Variants in FGF14 observed in about 807,000 individuals in gnomAD.
FGF14 encodes fibroblast growth factor 14, also known as fibroblast growth factor homologous factor 4.
A neutral mutation model predicts 25.5 loss-of-function variants in FGF14; 5 were observed. The ratio of observed to expected loss-of-function variants is 0.20; its 90% confidence interval spans 0.10 to 0.41. The LOEUF (loss-of-function observed/expected upper bound fraction) is 0.41. Among genes scored for constraint, FGF14 ranks in the 10% least tolerant of loss-of-function variants. FGF14 has a pLI of 1.00. For missense variants in FGF14, 222 were observed against 320.1 expected, an observed-to-expected ratio of 0.69 and a Z score of 2.34; for synonymous variants, 138 against 118.3, an observed-to-expected ratio of 1.17 and a Z score of -1.08.
chr13:101,949,385 C>A (rs2036014198), intron 1 of FGF14, among the ~76,000 whole-genome samples: 1 of 152,064 alleles, frequency 6.6e-6, no homozygotes, highest in African/African-American at 2.4e-5. Context: ...AGTTGCTTTC[C>A]TATTCTTCCT....
intron 1 of FGF14, among the ~76,000 whole-genome samples, chr13:102,103,100 G>A (rs976397097): frequency 1.3e-5 from 2 of 152,150 alleles, no homozygotes; most frequent in African/African-American, 4.8e-5. Flanking sequence ...GATGAAATTT[G>A]CTGAGGGAGA....
intron 1 of FGF14, among the ~76,000 whole-genome samples, chr13:102,056,292 G>T (rs2042426195): frequency 6.6e-6 from 1 of 152,262 alleles, no homozygotes; most frequent in Middle Eastern, 3.4e-3. Flanking sequence ...CTGCCCTTGA[G>T]ACTACCTACA....
intron 1 of FGF14, among the ~76,000 whole-genome samples, chr13:102,297,607 A>G (rs573126548): frequency 2.0e-5 from 3 of 152,156 alleles, no homozygotes; most frequent in African/African-American, 7.2e-5. Flanking sequence ...CAAATAAAAA[A>G]GGGCATAGGG....
At chr13:102,003,702 T>G (rs2039630706) in intron 1 of FGF14, among the ~76,000 whole-genome samples, 2 of 151,964 alleles carry the variant, frequency 1.3e-5, no homozygotes, top group South Asian at 4.2e-4. Flanking sequence ...TGGGAACAAT[T>G]TACATAGAAA....
At chr13:101,753,974 AC>A (rs1205638788) in intron 3 of FGF14, among the ~76,000 whole-genome samples, 1 of 152,176 alleles carries the variant, frequency 6.6e-6, no homozygotes, top group Non-Finnish European at 1.5e-5. Context: ...AAAAACAAAA[AC>A]AAAACAAAAT....
intron 3 of FGF14, among the ~76,000 whole-genome samples, chr13:101,786,773 G>A (rs966730015): frequency 6.6e-6 from 1 of 152,158 alleles, no homozygotes; most frequent in Non-Finnish European, 1.5e-5. Flanking sequence ...AACCCATAAA[G>A]CTTTTCTTTT....
At chr13:102,009,941 C>T (rs564713499) in intron 1 of FGF14, among the ~76,000 whole-genome samples, 2 of 152,092 alleles carry the variant, frequency 1.3e-5, no homozygotes, top group Non-Finnish European at 2.9e-5. Flanking sequence ...TTCATAGAAA[C>T]CTTGCCAAGG....
At chr13:102,314,399 C>T (rs533943051) in intron 1 of FGF14, among the ~76,000 whole-genome samples, 5 of 152,222 alleles carry the variant, frequency 3.3e-5, no homozygotes, top group African/African-American at 7.2e-5. Flanking sequence ...TCCTCAATCG[C>T]GCTATACATA....
At chr13:101,725,633 C>A (rs559168259) in intron 4 of FGF14, among the ~76,000 whole-genome samples, 1 of 151,936 alleles carries the variant, frequency 6.6e-6, no homozygotes, top group African/African-American at 2.4e-5. Context: ...ATTATGAAAA[C>A]AATATGCATT....
intron 3 of FGF14, among the ~76,000 whole-genome samples, chr13:101,814,980 A>G (rs1267447585): frequency 7.3e-6 from 1 of 136,658 alleles, no homozygotes; most frequent in Admixed American, 7.1e-5. Flanking sequence ...AAAGAGACTT[A>G]TTAGTACCCC....
chr13:101,904,358 T>A lies in FGF14; in HGVS notation c.193+12095A>T, dbSNP rs2031970389. Among the ~76,000 whole-genome samples, 3 of 151,874 alleles carry A rather than the reference T, an allele frequency of 2.0e-5. No homozygotes were observed. In the South Asian group the frequency reaches 6.2e-4, roughly 32 times the overall value. Reference sequence around the variant, plus strand: ...TGAAATTTGGGGTATTTTCTTATATTCAGGTTTTAAGAAAAAAAAAATCAA... The same window carrying A: ...TGAAATTTGGGGTATTTTCTTATATACAGGTTTTAAGAAAAAAAAAATCAA... On this transcript the variant is annotated intron_variant, in intron 1 of 4. Transcript: ENST00000376143.
intron 1 of FGF14, among the ~76,000 whole-genome samples, chr13:102,340,513 C>A (rs919250810): frequency 2.0e-5 from 3 of 151,962 alleles, no homozygotes; most frequent in African/African-American, 4.8e-5. Flanking sequence ...AATATACAAG[C>A]CTTTTACCCT....
At chr13:102,265,420 A>G (rs1378743415) in intron 1 of FGF14, among the ~76,000 whole-genome samples, 1 of 152,154 alleles carries the variant, frequency 6.6e-6, no homozygotes, top group Non-Finnish European at 1.5e-5. Flanking sequence ...GACTTGGTGA[A>G]AAATAATAGC....
intron 1 of FGF14, among the ~76,000 whole-genome samples, chr13:101,970,229 CAA>C (rs771737974): frequency 2.6e-5 from 4 of 151,900 alleles, no homozygotes; most frequent in Non-Finnish European, 5.9e-5. Flanking sequence ...TCTTTGAACT[CAA>C]AGCCTATTTT....
intron 1 of FGF14, among the ~76,000 whole-genome samples, chr13:102,160,805 T>C (rs1207915780): frequency 1.3e-5 from 2 of 152,096 alleles, no homozygotes; most frequent in Non-Finnish European, 2.9e-5. Context: ...CACATCTATT[T>C]TTGGTGGCAA....
chr13:101,843,903 T>C (rs1594451844), intron 3 of FGF14, among the ~76,000 whole-genome samples: 1 of 152,168 alleles, frequency 6.6e-6, no homozygotes, highest in East Asian at 1.9e-4. Flanking sequence ...GAACAAATAC[T>C]GTTAGTTATC....
intron 1 of FGF14, among the ~76,000 whole-genome samples, chr13:101,964,940 T>A (rs1360776247): frequency 6.6e-6 from 1 of 152,162 alleles, no homozygotes; most frequent in Admixed American, 6.5e-5. Flanking sequence ...TATTATCTCC[T>A]TCAAAACCTT....
At chr13:101,751,646 C>T (rs553163827) in intron 3 of FGF14, among the ~76,000 whole-genome samples, 17 of 152,104 alleles carry the variant, frequency 1.1e-4, no homozygotes, top group Non-Finnish European at 2.4e-4. Flanking sequence ...AGCCTGCCAA[C>T]TGTTTAAGGA....
chr13:102,149,394 C>T (rs1181018300), intron 1 of FGF14, among the ~76,000 whole-genome samples: 1 of 152,108 alleles, frequency 6.6e-6, no homozygotes, highest in Admixed American at 6.5e-5. Context: ...TGTACCATAG[C>T]ACTTCTTAAA....
Sources: gnomAD v4.1 joint callset for allele counts (sites outside exome capture counted in the v4.1 genomes callset) on GRCh38, gnomAD v4.1.1 for gene constraint, MANE v1.5 for transcripts, NCBI Gene and HGNC (gene_info 2026-07-23, HGNC 2026-07-21) for gene names.